Variants in EHBP1 observed in about 807,000 individuals in gnomAD.
The protein encoded by EHBP1 is EH domain-binding protein 1.
Under a neutral mutation model 144.0 loss-of-function variants are expected in EHBP1, and 55 were observed. That is an observed-to-expected ratio of 0.38 (90% CI 0.31 to 0.48). EHBP1 has a LOEUF of 0.48. EHBP1 is among the 20% of genes least tolerant of loss of function. The pLI is 0.98. For missense variants in EHBP1, 1,200 were observed against 1,364.2 expected, an observed-to-expected ratio of 0.88 and a Z score of 1.90; for synonymous variants, 469 against 472.7, an observed-to-expected ratio of 0.99 and a Z score of 0.10.
intron 9 of EHBP1, among the ~76,000 whole-genome samples, chr2:62,870,844 C>G (rs1315679067): frequency 6.6e-6 from 1 of 150,858 alleles, no homozygotes; most frequent in Non-Finnish European, 1.5e-5. Context: ...TTGTGTTTCT[C>G]ATCTTTTCCA....
chr2:62,692,781 A>G (rs2033950325), intron 1 of EHBP1, among the ~76,000 whole-genome samples: 1 of 152,030 alleles, frequency 6.6e-6, no homozygotes, highest in South Asian at 2.1e-4. Flanking sequence ...GTATATATTT[A>G]TGGGGTACCT....
intron 2 of EHBP1, among the ~76,000 whole-genome samples, chr2:62,732,530 A>T (rs1169429599): frequency 2.0e-5 from 3 of 152,016 alleles, no homozygotes; most frequent in African/African-American, 7.2e-5. Flanking sequence ...TCGTGATAAG[A>T]GTTCTCATGA....
In EHBP1 at chr2:63,032,296, C is replaced by T. The variant is rs115403826; in HGVS notation, c.3104-5239C>T. The stretch of plus-strand genomic sequence containing the variant: ...AAAAAAGGTCAGTTCAGGCTGGGCG[C>T]GGTGCCTCACGCCTGTAATCCCAGC... On this transcript the variant is annotated intron_variant, in intron 19 of 22. Transcript: ENST00000431489. Among the ~76,000 whole-genome samples the T allele has an allele frequency of 3.4e-3, 515 of 149,536 alleles. 1 individual carries two copies. Among genetic ancestry groups the T allele is most frequent in the Non-Finnish European group, 4.6e-3 (313 of 67,514 alleles).
chr2:62,832,304 A>T (rs1386299322), intron 7 of EHBP1, among the ~76,000 whole-genome samples: 4 of 151,938 alleles, frequency 2.6e-5, no homozygotes, highest in Non-Finnish European at 4.4e-5. Context: ...TGATTTATAC[A>T]TTTTCTAGAA....
chr2:62,709,396 G>A (rs1400031102), intron 2 of EHBP1, among the ~76,000 whole-genome samples: 1 of 152,126 alleles, frequency 6.6e-6, no homozygotes, highest in Non-Finnish European at 1.5e-5. Context: ...AGTATACTGG[G>A]AGCATCAACG....
intron 8 of EHBP1, among the ~76,000 whole-genome samples, chr2:62,861,466 G>A (rs1254436945): frequency 6.6e-6 from 1 of 150,606 alleles, no homozygotes; most frequent in Non-Finnish European, 1.5e-5. Flanking sequence ...AATGTCGGCC[G>A]GGCGCGGTGG....
At chr2:62,729,396 T>C (rs1366889076) in intron 2 of EHBP1, among the ~76,000 whole-genome samples, 10 of 116,592 alleles carry the variant, frequency 8.6e-5, no homozygotes, top group African/African-American at 3.4e-4. Context: ...ATATTTATTA[T>C]ATATAATAAA....
chr2:62,825,620 A>T (rs2046292179), intron 5 of EHBP1, among the ~76,000 whole-genome samples: 1 of 152,100 alleles, frequency 6.6e-6, no homozygotes, highest in African/African-American at 2.4e-5. Flanking sequence ...AGAAAAAAAA[A>T]AAAGAGGTAG....
chr2:62,778,284 A>G (rs2042181581), intron 5 of EHBP1, among the ~76,000 whole-genome samples: 1 of 152,120 alleles, frequency 6.6e-6, no homozygotes, highest in Non-Finnish European at 1.5e-5. Context: ...ACACGCCTGA[A>G]TCTTAACACT....
intron 7 of EHBP1, among the ~76,000 whole-genome samples, chr2:62,845,518 A>G (rs1448216154): frequency 6.6e-6 from 1 of 152,112 alleles, no homozygotes; most frequent in Non-Finnish European, 1.5e-5. Context: ...TCTACTTACT[A>G]GGGCTATGAA....
intron 1 of EHBP1, among the ~76,000 whole-genome samples, chr2:62,687,032 C>A (rs981308007): frequency 6.6e-6 from 1 of 152,184 alleles, no homozygotes. Flanking sequence ...TATTCAAATC[C>A]ACACTGCCAA....
intron 14 of EHBP1, among the ~76,000 whole-genome samples, chr2:62,959,185 A>G (rs1292416979): frequency 6.6e-6 from 1 of 152,182 alleles, no homozygotes; most frequent in Non-Finnish European, 1.5e-5. Flanking sequence ...AGGCTCATCT[A>G]TGTTGTAGAA....
intron 5 of EHBP1, among the ~76,000 whole-genome samples, chr2:62,789,920 CTTGTTT>C (rs1278894780): frequency 6.6e-6 from 1 of 152,178 alleles, no homozygotes; most frequent in Non-Finnish European, 1.5e-5. Flanking sequence ...CTAAAACTTA[CTTGTTT>C]TTGAAGTAGC....
At chr2:62,732,503 T>C (rs1011210853) in intron 2 of EHBP1, among the ~76,000 whole-genome samples, 1 of 152,182 alleles carries the variant, frequency 6.6e-6, no homozygotes, top group Non-Finnish European at 1.5e-5. Flanking sequence ...TTTAGCACCA[T>C]CCCTCTAGTG....
In EHBP1 at chr2:62,884,927, A is replaced by G. The variant is rs916640985; in HGVS notation, c.1185+10395A>G. 3.3e-5 allele frequency among the ~76,000 whole-genome samples: 5 copies of G among 152,228 alleles called. No individual in the cohort carries two copies. The East Asian group carries it at 9.6e-4, about 29-fold the overall frequency. ...TCAAAACATTTCTGTTAAAATTATT[A>G]AAGAGTTTTTGATGCTTAAAAAGAT... On this transcript the variant is annotated intron_variant, in intron 10 of 22. Transcript: ENST00000431489.
At position 62,862,927 on chromosome 2, in the gene EHBP1, C is replaced by T. The variant is rs138391228; in HGVS notation, c.758-1804C>T. ...TACTAACAAACATAAAAAAAAAAGC[C>T]TCGTGCTAAGTACTACTACTACTAT... On this transcript the variant is annotated intron_variant, in intron 8 of 22. Transcript: ENST00000431489. Among the ~76,000 whole-genome samples the T allele has an allele frequency of 3.4e-3, 518 of 152,074 alleles. 9 individuals carry two copies. The highest frequency in any genetic ancestry group is 1.6e-3 in the Non-Finnish European group (107 of 67,982).
At chr2:62,855,214 T>C (rs753649194) in intron 7 of EHBP1, among the ~76,000 whole-genome samples, 1 of 152,214 alleles carries the variant, frequency 6.6e-6, no homozygotes, top group Non-Finnish European at 1.5e-5. Context: ...TGCTCCAATC[T>C]TGGAACAAAG....
intron 7 of EHBP1, among the ~76,000 whole-genome samples, chr2:62,844,848 G>C (rs1464372241): frequency 6.6e-6 from 1 of 152,120 alleles, no homozygotes; most frequent in Non-Finnish European, 1.5e-5. Context: ...TGGACATTCA[G>C]ATTCATTCGC....
At chr2:62,713,534 G>A (rs2151859980) in intron 2 of EHBP1, among the ~76,000 whole-genome samples, 1 of 152,222 alleles carries the variant, frequency 6.6e-6, no homozygotes, top group South Asian at 2.1e-4. Flanking sequence ...CTGAGCCACG[G>A]CACCTGGCCT....
Sources: allele counts gnomAD v4.1 joint callset (sites outside exome capture counted in the v4.1 genomes callset), GRCh38; gene constraint gnomAD v4.1.1; transcripts MANE v1.5; gene names NCBI Gene and HGNC (gene_info 2026-07-23, HGNC 2026-07-21).